PRAG1: variants seen among roughly 807,000 people sequenced by gnomAD.
PRAG1 encodes the protein inactive tyrosine-protein kinase PRAG1.
A neutral mutation model predicts 95.6 loss-of-function variants in PRAG1; 110 were observed. The ratio of observed to expected loss-of-function variants is 1.15; its 90% CI spans 0.99 to 1.35. The LOEUF is 1.35. Among genes scored for constraint, PRAG1 ranks in the 40% most tolerant of loss-of-function variants. PRAG1 has a pLI of 0.00. For synonymous variants in PRAG1, 1,052 were observed against 819.4 expected, an observed-to-expected ratio of 1.28 and a Z score of -4.85; for missense variants, 2,554 against 1,864.7, an observed-to-expected ratio of 1.37 and a Z score of -6.81.
chr8:8,367,950 G>GTTTTTTAATTTCTTTTTTTTTTT (rs1563250810), intron 3 of PRAG1, among the ~76,000 whole-genome samples: 3 of 152,136 alleles, frequency 2.0e-5, no homozygotes, highest in Non-Finnish European at 4.4e-5. Flanking sequence ...CGTATATAGT[G>GTTTTTTAATTTCTTTTTTTTTTT]TTTTTTAATT....
chr8:8,319,651 G>A (rs1054910166), intron 5 of PRAG1, among the ~76,000 whole-genome samples: 11 of 152,140 alleles, frequency 7.2e-5, no homozygotes, highest in African/African-American at 2.7e-4. Flanking sequence ...ATGTAATAAA[G>A]GACTTGTTTC....
chr8:8,376,521 C>G lies in PRAG1; in HGVS notation c.1888G>C (p.Ala630Pro). 6.2e-7 allele frequency: 1 copy of G among 1,609,722 alleles called. No individual in the cohort carries two copies. ...ASEQRRPRFQAGTWSRQCRIE... is the reference protein window; with the variant it reads ...ASEQRRPRFQPGTWSRQCRIE... ...CGGCACTGACGACTCCAGGTGCCTGCCTGGAACCTGGGCCGCCTCTGTTCC... is the reference window on the plus strand; with the variant it reads ...CGGCACTGACGACTCCAGGTGCCTGGCTGGAACCTGGGCCGCCTCTGTTCC... The change falls in exon 3 of 6, where the codon GCA (alanine) becomes CCA (proline). Residue 630 changes from alanine (A) to proline (P), a missense_variant. Coordinates refer to ENST00000615670, the MANE Select transcript of PRAG1 (RefSeq NM_001080826.3).
At chr8:8,380,418 G>C (rs1451556460) in intron 2 of PRAG1, among the ~76,000 whole-genome samples, 3 of 152,044 alleles carry the variant, frequency 2.0e-5, no homozygotes, top group Non-Finnish European at 2.9e-5. Flanking sequence ...AGCCAACATG[G>C]TGAAACCTCG....
chr8:8,326,051 A>T (rs1320623131), intron 5 of PRAG1, among the ~76,000 whole-genome samples: 1 of 150,272 alleles, frequency 6.7e-6, no homozygotes, highest in African/African-American at 2.4e-5. Context: ...TTCCTCCTCA[A>T]AACAGAAAGG....
Position 8,381,833 on chromosome 8 carries a change from TC to T in PRAG1, c.-87del. 1 of 1,109,502 alleles carries T rather than the reference TC, an allele frequency of 9.0e-7. No homozygotes were observed. The highest frequency in any genetic ancestry group is 1.3e-6 in the Non-Finnish European group (1 of 792,608). 68.7% of individuals were successfully genotyped at this position (1,109,502 alleles called of 1,614,324 possible). A position where few individuals can be genotyped will look rare whatever the true frequency, so the allele number is the denominator to read the frequency against. ...TTCAGAGGTGGGTCACAGAGCGGCT[TC>T]CTAGAAAGGCAGGACAGTTTCCTGA... On this transcript the variant is annotated splice_region_variant and 5_prime_UTR_variant, in exon 2 of 6. It introduces an in-frame stop codon into an upstream open reading frame of the 5' UTR. Transcript: ENST00000615670.
intron 3 of PRAG1, among the ~76,000 whole-genome samples, chr8:8,347,323 C>A (rs1367060343): frequency 2.0e-5 from 3 of 152,180 alleles, no homozygotes; most frequent in African/African-American, 7.2e-5. Context: ...TTCACCAGCT[C>A]AGAGCTCTCT....
intron 3 of PRAG1, among the ~76,000 whole-genome samples, chr8:8,362,328 C>T (rs1397106564): frequency 6.6e-6 from 1 of 152,236 alleles, no homozygotes; most frequent in Admixed American, 6.5e-5. Flanking sequence ...CATTCACACA[C>T]ACTTTCAACT....
intron 3 of PRAG1, among the ~76,000 whole-genome samples, chr8:8,365,421 C>A (rs374749164): frequency 6.9e-6 from 1 of 145,672 alleles, no homozygotes; most frequent in South Asian, 2.2e-4. Flanking sequence ...GTCAGGAGTT[C>A]GAGACCACCT....
chr8:8,380,745 C>T (rs933549516), intron 2 of PRAG1, among the ~76,000 whole-genome samples: 3 of 147,936 alleles, frequency 2.0e-5, no homozygotes, highest in African/African-American at 7.6e-5. Context: ...CCCAGCTACT[C>T]AGGAGGCTGA....
At chr8:8,365,707 A>C (rs1799979811) in intron 3 of PRAG1, among the ~76,000 whole-genome samples, 1 of 151,944 alleles carries the variant, frequency 6.6e-6, no homozygotes, top group African/African-American at 2.4e-5. Flanking sequence ...TCACACCTGT[A>C]ATCCCAGCAC....
chr8:8,343,203 C>G (rs1474268076), intron 3 of PRAG1, among the ~76,000 whole-genome samples: 4 of 151,512 alleles, frequency 2.6e-5, no homozygotes, highest in Admixed American at 2.6e-4. Flanking sequence ...CATTTCATAC[C>G]CATCAGATCA....
intron 4 of PRAG1, among the ~76,000 whole-genome samples, chr8:8,331,883 A>G (rs2976927): frequency 0.22 from 33,082 of 152,002 alleles, 4,072 homozygotes; most frequent in African/African-American, 0.34. Flanking sequence ...AAGGGGTACT[A>G]GGTATTAGCA....
rs1277259586 is a variant in PRAG1 at position 8,319,124 on chromosome 8, T to C, written c.3251A>G (p.Glu1084Gly). ...GGTGATGACCACCACGCAGTCCTGC[T>C]CCTGGGCAGGGGGGTGTGTGGGCAG... ...PALPTHPPAQ[E>G]QDCVVVITRE... The change falls in exon 6 of 6, where the codon GAG becomes GGG. Residue 1084 changes from glutamate to glycine, a missense_variant. Coordinates refer to ENST00000615670, the MANE Select transcript of PRAG1 (RefSeq NM_001080826.3). 1.9e-6 allele frequency: 3 copies of C among 1,606,824 alleles called. No individual in the cohort carries two copies. The highest frequency in any genetic ancestry group is 1.7e-5 in the Admixed American group (1 of 59,672).
At chr8:8,324,458 T>C (rs1798569228) in intron 5 of PRAG1, among the ~76,000 whole-genome samples, 1 of 152,182 alleles carries the variant, frequency 6.6e-6, no homozygotes, top group Admixed American at 6.5e-5. Flanking sequence ...GGGCGCATGC[T>C]AACTAGCCCT....
chr8:8,376,088 C>T (rs368976365), intron 3 of PRAG1, among the ~76,000 whole-genome samples, 159 bp downstream of exon 3: 55 of 152,232 alleles, frequency 3.6e-4, no homozygotes, highest in African/African-American at 1.3e-3. Context: ...TCCTGCTCTC[C>T]GAGGGCTGCA....
In PRAG1 at chr8:8,328,031, G is replaced by A. The variant is rs559450039; in HGVS notation, c.2751C>T (p.Ser917=). 31 of 1,583,928 alleles carry A rather than the reference G, an allele frequency of 2.0e-5. No individual in the cohort carries two copies. Among genetic ancestry groups the A allele is most frequent in the African/African-American group, 1.7e-4 (13 of 74,302 alleles). The change falls in exon 5 of 6, where the codon TCC becomes TCT. Residue 917 remains serine (S), a synonymous_variant. Transcript: ENST00000615670. Reference sequence around the variant, plus strand: ...ACACGCTCAGCTGGGAGGATGAGGCGGAGGGGGCCCCTTTGCACTGGAGGC... The same window carrying A: ...ACACGCTCAGCTGGGAGGATGAGGCAGAGGGGGCCCCTTTGCACTGGAGGC... ...SPGLQCKGAP[S]ASSSQLSVSS...
Position 8,318,089 on chromosome 8 carries a change from TCCA to T in PRAG1, c.*62_*64del. The stretch of plus-strand genomic sequence containing the variant: ...CATTTCCCAGGGAGACATGGGTGCT[TCCA>T]AGGCGAGACAGGAAAGGGTTAGGCA... On this transcript the variant is annotated 3_prime_UTR_variant, in exon 6 of 6. Transcript: ENST00000615670. This position sits in a 1 kb window ranked among gnomAD's most constrained non-coding sequence, Gnocchi z 4.2. The T allele has an allele frequency of 3.3e-6, 5 of 1,503,584 alleles. No homozygotes were observed. The highest frequency in any genetic ancestry group is 4.4e-6 in the Non-Finnish European group (5 of 1,124,562). The allele number at this position is 1,503,584 out of a possible 1,614,324, so 93.1% of individuals were successfully genotyped here. A position where few individuals can be genotyped will look rare whatever the true frequency, so the allele number is the denominator to read the frequency against.
chr8:8,346,857 C>T (rs1799359622), intron 3 of PRAG1, among the ~76,000 whole-genome samples: 2 of 152,156 alleles, frequency 1.3e-5, no homozygotes, highest in African/African-American at 4.8e-5. Flanking sequence ...AGCTTTCTGC[C>T]ACTGGAGCGG....
At chr8:8,345,478 G>T (rs1318302193) in intron 3 of PRAG1, among the ~76,000 whole-genome samples, 1 of 152,076 alleles carries the variant, frequency 6.6e-6, no homozygotes, top group Non-Finnish European at 1.5e-5. Context: ...ACACACGTAG[G>T]TGACCCTTTT....
Sources: allele counts gnomAD v4.1 joint callset (sites outside exome capture counted in the v4.1 genomes callset), GRCh38; gene constraint gnomAD v4.1.1; non-coding constraint Gnocchi (gnomAD v3.1); transcripts MANE v1.5; gene names NCBI Gene and HGNC (gene_info 2026-07-23, HGNC 2026-07-21).